Variants in RALYL observed in about 807,000 individuals in gnomAD.
The protein encoded by RALYL is RNA-binding Raly-like protein.
A neutral mutation model predicts 35.1 loss-of-function variants in RALYL; 29 were observed. The ratio of observed to expected loss-of-function variants is 0.83; its 90% CI spans 0.61 to 1.13. RALYL has a LOEUF of 1.13. Ranked by LOEUF, RALYL falls within the 50% of genes most tolerant of loss-of-function variation. RALYL has a pLI of 0.00. For missense variants in RALYL, 359 were observed against 360.4 expected, an observed-to-expected ratio of 1.00 and a Z score of 0.03; for synonymous variants, 120 against 127.6, an observed-to-expected ratio of 0.94 and a Z score of 0.40.
chr8:84,711,473 A>G (rs148042134), intron 2 of RALYL, among the ~76,000 whole-genome samples: 7 of 152,310 alleles, frequency 4.6e-5, no homozygotes, highest in African/African-American at 1.4e-4. Context: ...ATATTGTTTG[A>G]CCAGGAATAT....
At chr8:84,445,135 C>T (rs1020083007) in intron 1 of RALYL, among the ~76,000 whole-genome samples, 2 of 152,044 alleles carry the variant, frequency 1.3e-5, no homozygotes, top group Non-Finnish European at 2.9e-5. Flanking sequence ...TTAATTCTCA[C>T]AACCATGTTG....
At chr8:84,537,560 C>T (rs1023072540) in intron 2 of RALYL, among the ~76,000 whole-genome samples, 1 of 151,272 alleles carries the variant, frequency 6.6e-6, no homozygotes, top group Non-Finnish European at 1.5e-5. Context: ...AAATTACTTA[C>T]GAGATGGTAT....
intron 1 of RALYL, among the ~76,000 whole-genome samples, chr8:84,297,961 A>G (rs2132317872): frequency 1.3e-5 from 2 of 152,248 alleles, no homozygotes; most frequent in South Asian, 4.1e-4. Context: ...TAGTTTGCAA[A>G]TATTTTCTCC....
At chr8:84,898,448 A>G (rs1223474511) in intron 8 of RALYL, among the ~76,000 whole-genome samples, 2 of 152,226 alleles carry the variant, frequency 1.3e-5, no homozygotes. Context: ...CCAAAAGTCT[A>G]AAGATGTTTT....
chr8:84,780,524 T>C (rs1365743544), intron 3 of RALYL, among the ~76,000 whole-genome samples: 1 of 152,242 alleles, frequency 6.6e-6, no homozygotes, highest in Non-Finnish European at 1.5e-5. Context: ...GTTGAAATGC[T>C]TTTGTTCTAG....
intron 1 of RALYL, among the ~76,000 whole-genome samples, chr8:84,187,469 T>A (rs1241394780): frequency 6.6e-6 from 1 of 152,052 alleles, no homozygotes; most frequent in East Asian, 1.9e-4. Flanking sequence ...TTTCTTAACA[T>A]GCATCAAATA....
chr8:84,911,270 CA>C (rs1847468427), intron 8 of RALYL, among the ~76,000 whole-genome samples: 3 of 152,072 alleles, frequency 2.0e-5, no homozygotes, highest in Admixed American at 2.0e-4. Context: ...AAGATTCAGC[CA>C]TATCACTAAT....
chr8:84,187,423 T>A (rs1812797378), intron 1 of RALYL, among the ~76,000 whole-genome samples: 1 of 152,118 alleles, frequency 6.6e-6, no homozygotes, highest in African/African-American at 2.4e-5. Flanking sequence ...TTCATATTTA[T>A]TTTTTATGGT....
intron 1 of RALYL, among the ~76,000 whole-genome samples, chr8:84,450,710 T>G (rs570828970): frequency 2.6e-5 from 4 of 152,086 alleles, no homozygotes; most frequent in South Asian, 4.1e-4. Flanking sequence ...TTAGGCACTT[T>G]ATGGAATTTT....
chr8:84,277,841 C>A (rs1835721064), intron 1 of RALYL, among the ~76,000 whole-genome samples: 1 of 152,234 alleles, frequency 6.6e-6, no homozygotes, highest in South Asian at 2.1e-4. Flanking sequence ...CAGCATTGGG[C>A]AGCTCCACCC....
intron 2 of RALYL, among the ~76,000 whole-genome samples, chr8:84,747,871 C>G (rs1263231865): frequency 6.6e-6 from 1 of 151,874 alleles, no homozygotes; most frequent in African/African-American, 2.4e-5. Flanking sequence ...AAAAAATAAC[C>G]TGGGACCTTA....
intron 1 of RALYL, among the ~76,000 whole-genome samples, chr8:84,414,580 G>A (rs768529767): frequency 1.4e-4 from 21 of 151,994 alleles, no homozygotes; most frequent in Non-Finnish European, 5.9e-5. Flanking sequence ...CATATTTGAC[G>A]TGCAAATATA....
At chr8:84,185,120 C>A in intron 1 of RALYL, 1 of 1,170,312 alleles carries the variant, frequency 8.5e-7, no homozygotes, top group Non-Finnish European at 1.3e-6. Flanking sequence ...GTTTTAAGTG[C>A]CTGCTGGTGT....
At chr8:84,540,496 A>C (rs1406344443) in intron 2 of RALYL, among the ~76,000 whole-genome samples, 1 of 152,028 alleles carries the variant, frequency 6.6e-6, no homozygotes, top group Admixed American at 6.5e-5. Context: ...GTGATGAACT[A>C]CAACAATTGA....
chr8:84,316,068 A>G (rs1271915778), intron 1 of RALYL, among the ~76,000 whole-genome samples: 1 of 152,084 alleles, frequency 6.6e-6, no homozygotes, highest in African/African-American at 2.4e-5. Flanking sequence ...ACTTTTTATT[A>G]ACTTAGATTC....
intron 1 of RALYL, among the ~76,000 whole-genome samples, chr8:84,337,598 G>C (rs1427111897): frequency 6.6e-6 from 1 of 152,074 alleles, no homozygotes; most frequent in African/African-American, 2.4e-5. Context: ...GAAAACATCT[G>C]ATAAATTAAA....
rs186786984 is a variant in RALYL, at chr8:84,862,316, G to A, written c.434G>A (p.Arg145His). Residue 145 changes from arginine to histidine, a missense_variant, in exon 6 of 9, where the codon CGT (arginine) becomes CAT (histidine). Physicochemically the swap from Arg to His is conservative, Grantham distance 29. Coordinates refer to ENST00000521268, the MANE Select transcript of RALYL (RefSeq NM_173848.7). ...TAAAGGTTATTTGATTACCACGGGC[G>A]TGTGCCTCCACCTCCCCGTGCAGTA... is the stretch of plus-strand genomic sequence containing the variant. ...FYNRLFDYHG[R>H]VPPPPRAVIP... 216 of 1,588,604 alleles carry A rather than the reference G, an allele frequency of 1.4e-4. 1 individual carries two copies. Among genetic ancestry groups the A allele is most frequent in the Admixed American group, 3.6e-4 (20 of 55,948 alleles).
intron 7 of RALYL, 94 bp downstream of exon 7, chr8:84,873,491 G>A (rs547256160): frequency 4.4e-5 from 29 of 661,090 alleles, no homozygotes; most frequent in African/African-American, 3.8e-4. Context: ...CACTGGCTGA[G>A]TTTAACAGTG....
Position 84,273,892 on chromosome 8 carries a change from C to G in RALYL, c.-24+89468C>G, listed in dbSNP as rs2131982854. On this transcript the variant is annotated intron_variant, in intron 1 of 8. Transcript: ENST00000521268. Reference sequence around the variant, plus strand: ...ATGCTCCCGTGTAAATTGTTACTGTCTGTTTTCTCACTTAGCATCAATCTA... The same window carrying G: ...ATGCTCCCGTGTAAATTGTTACTGTGTGTTTTCTCACTTAGCATCAATCTA... 2.0e-5 allele frequency among the ~76,000 whole-genome samples: 3 copies of G among 152,308 alleles called. 1 individual carries two copies. The East Asian group carries it at 5.8e-4, about 29-fold the overall frequency.
Sources: gnomAD v4.1 joint callset for allele counts (sites outside exome capture counted in the v4.1 genomes callset) on GRCh38, gnomAD v4.1.1 for gene constraint, MANE v1.5 for transcripts, NCBI Gene and HGNC (gene_info 2026-07-23, HGNC 2026-07-21) for gene names.